Variants in RRAS2 observed in about 807,000 individuals in gnomAD.
RRAS2 encodes the protein ras-related protein R-Ras2.
Under a neutral mutation model 27.6 loss-of-function variants are expected in RRAS2, and 7 were observed. The observed-to-expected ratio is 0.25, with a 90% CI of 0.14 to 0.48. The LOEUF is 0.48. Ranked by LOEUF, RRAS2 falls within the 20% of genes least tolerant of loss-of-function variation. The pLI is 0.99. For synonymous variants in RRAS2, 86 were observed against 90.9 expected, an observed-to-expected ratio of 0.95 and a Z score of 0.31; for missense variants, 178 against 256.2, an observed-to-expected ratio of 0.69 and a Z score of 2.08.
At chr11:14,306,915 G>A (rs1191969468) in intron 1 of RRAS2, among the ~76,000 whole-genome samples, 2 of 150,886 alleles carry the variant, frequency 1.3e-5, no homozygotes, top group African/African-American at 2.4e-5. Flanking sequence ...AAAAGGCCGG[G>A]CGCAGTGGCT....
At chr11:14,324,666 C>T (rs1448840178) in intron 1 of RRAS2, among the ~76,000 whole-genome samples, 1 of 151,988 alleles carries the variant, frequency 6.6e-6, no homozygotes, top group African/African-American at 2.4e-5. Flanking sequence ...TGCCATTTTC[C>T]CAGCACCTAA....
At chr11:14,355,181 A>G (rs1447709217) in intron 1 of RRAS2, among the ~76,000 whole-genome samples, 1 of 152,118 alleles carries the variant, frequency 6.6e-6, no homozygotes, top group Non-Finnish European at 1.5e-5. Flanking sequence ...ACACTCCTAG[A>G]ATTTCAAAAG....
At chr11:14,309,544 G>A (rs1199885399) in intron 1 of RRAS2, among the ~76,000 whole-genome samples, 4 of 152,216 alleles carry the variant, frequency 2.6e-5, no homozygotes, top group African/African-American at 4.8e-5. Flanking sequence ...AGTTGGAGGG[G>A]AGGATATGAT....
chr11:14,283,803 C>T (rs1019389153), intron 4 of RRAS2, among the ~76,000 whole-genome samples: 10 of 152,018 alleles, frequency 6.6e-5, no homozygotes, highest in African/African-American at 2.2e-4. Flanking sequence ...CTGATCATTC[C>T]GGCAAGAGTC....
chr11:14,319,238 C>T lies in RRAS2; in HGVS notation c.109-23383G>A, dbSNP rs549938377. Among the ~76,000 whole-genome samples the T allele has an allele frequency of 2.6e-5, 4 of 152,278 alleles. No individual in the cohort carries two copies. The East Asian group carries it at 7.7e-4, about 29-fold the overall frequency. ...ATCTCCCCATACACCTCCGTCAATCCTGACATTTGGCAATAATGCCAAGCA... is the reference window on the plus strand; with the variant it reads ...ATCTCCCCATACACCTCCGTCAATCTTGACATTTGGCAATAATGCCAAGCA... On this transcript the variant is annotated intron_variant, in intron 1 of 5. Coordinates refer to ENST00000256196, the MANE Select transcript of RRAS2 (RefSeq NM_012250.6).
chr11:14,306,891 TAA>T (rs11287532), intron 1 of RRAS2, among the ~76,000 whole-genome samples: 2,612 of 133,092 alleles, frequency 0.02, 46 homozygotes, highest in African/African-American at 0.058. Context: ...TGTGCCAAGA[TAA>T]AAAAAAAAAA....
In RRAS2 at chr11:14,278,582, T is replaced by A. The variant is rs1849436319; in HGVS notation, c.*755A>T. The stretch of plus-strand genomic sequence containing the variant: ...TTTTGAATCCCTTACCCAGAAATAC[T>A]TGAAAAGGAAGACAGAAGGAAATTA... On this transcript the variant is annotated 3_prime_UTR_variant, in exon 6 of 6. Coordinates refer to ENST00000256196, the MANE Select transcript of RRAS2 (RefSeq NM_012250.6). 1 of 152,306 alleles carries A rather than the reference T, an allele frequency of 6.6e-6. No homozygotes were observed. The highest frequency in any genetic ancestry group is 6.5e-5 in the Admixed American group (1 of 15,298). The allele number at this position is 152,306 out of a possible 1,614,324, so 9.4% of individuals were successfully genotyped here.
chr11:14,282,241 T>G (rs1849559514), intron 4 of RRAS2, among the ~76,000 whole-genome samples: 1 of 152,136 alleles, frequency 6.6e-6, no homozygotes. Flanking sequence ...AGAGAGAAAA[T>G]GGCAAGAGGT....
At chr11:14,288,058 G>A (rs1382130290) in intron 4 of RRAS2, among the ~76,000 whole-genome samples, 1 of 152,182 alleles carries the variant, frequency 6.6e-6, no homozygotes, top group African/African-American at 2.4e-5. Flanking sequence ...ACAGCTCACT[G>A]AAGACTCAAC....
chr11:14,359,462 G>A (rs1296326557), upstream of RRAS2, among the ~76,000 whole-genome samples: 1 of 152,226 alleles, frequency 6.6e-6, no homozygotes, highest in African/African-American at 2.4e-5. Context: ...GCGAAAAATA[G>A]GGCTGTTGGC....
At chr11:14,315,082 C>T (rs1325805766) in intron 1 of RRAS2, among the ~76,000 whole-genome samples, 1 of 152,126 alleles carries the variant, frequency 6.6e-6, no homozygotes, top group Non-Finnish European at 1.5e-5. Context: ...TAAACTAAGC[C>T]TCTACTATTT....
At chr11:14,350,827 G>C (rs1348386967) in intron 1 of RRAS2, among the ~76,000 whole-genome samples, 1 of 152,194 alleles carries the variant, frequency 6.6e-6, no homozygotes, top group African/African-American at 2.4e-5. Flanking sequence ...TTGTTTGAAA[G>C]CAAGACAAAC....
At chr11:14,351,514 G>A (rs943310664) in intron 1 of RRAS2, among the ~76,000 whole-genome samples, 4 of 152,116 alleles carry the variant, frequency 2.6e-5, no homozygotes, top group African/African-American at 9.7e-5. Flanking sequence ...ATCACATAAG[G>A]TCAGGAGTTC....
rs537023074 is a variant in RRAS2, at chr11:14,290,794, G to A, written c.408+3677C>T. Among the ~76,000 whole-genome samples, 19 of 152,314 alleles carry A rather than the reference G, an allele frequency of 1.2e-4. No homozygotes were observed. In the South Asian group the frequency reaches 3.9e-3, roughly 32 times the overall value. On this transcript the variant is annotated intron_variant, in intron 4 of 5. Transcript: ENST00000256196. ...AGAATCAAGAACGGCAGGAGAAAAA[G>A]TAGAGAAAGTAAGTTTCAGGAGTTT...
rs532920724 is a variant in RRAS2, at chr11:14,352,295, G to A, written c.108+6468C>T. On this transcript the variant is annotated intron_variant, in intron 1 of 5. Transcript: ENST00000256196. ...ATAAGTTAAAGCTGTTCAGTGCTAT[G>A]CAACAAATAATCACATGGCCTTTAT... Among the ~76,000 whole-genome samples, 213 of 152,252 alleles carry A rather than the reference G, an allele frequency of 1.4e-3. 2 individuals carry two copies. The highest frequency in any genetic ancestry group is 4.8e-3 in the African/African-American group (199 of 41,544).
chr11:14,293,081 C>A (rs1847446516), intron 4 of RRAS2, among the ~76,000 whole-genome samples: 1 of 142,028 alleles, frequency 7.0e-6, no homozygotes. Context: ...GCACTCCAGC[C>A]TGGGCGACAG....
At chr11:14,338,955 C>T (rs1848642952) in intron 1 of RRAS2, among the ~76,000 whole-genome samples, 1 of 152,038 alleles carries the variant, frequency 6.6e-6, no homozygotes, top group Non-Finnish European at 1.5e-5. Flanking sequence ...AGCTTCTGTA[C>T]TACGCCCAAA....
At chr11:14,320,247 A>G (rs1418860879) in intron 1 of RRAS2, among the ~76,000 whole-genome samples, 1 of 152,216 alleles carries the variant, frequency 6.6e-6, no homozygotes, top group African/African-American at 2.4e-5. Context: ...GAAACATACA[A>G]GCAACTAAAC....
At chr11:14,339,106 A>T (rs1192044200) in intron 1 of RRAS2, among the ~76,000 whole-genome samples, 4 of 152,260 alleles carry the variant, frequency 2.6e-5, no homozygotes, top group Admixed American at 2.6e-4. Context: ...ACAATAAGGA[A>T]GTCCCATCTG....
Sources: gnomAD v4.1 joint callset for allele counts (sites outside exome capture counted in the v4.1 genomes callset) on GRCh38, gnomAD v4.1.1 for gene constraint, MANE v1.5 for transcripts, NCBI Gene and HGNC (gene_info 2026-07-23, HGNC 2026-07-21) for gene names.